Variants in MED26 observed in about 807,000 individuals in gnomAD.
The protein encoded by MED26 is mediator complex subunit 26, also known as mediator of RNA polymerase II transcription subunit 26.
In MED26, 7 loss-of-function variants were observed where a neutral mutation model predicts 43.7. That is an observed-to-expected ratio of 0.16 (90% confidence interval 0.09 to 0.30). The LOEUF is 0.30. Among genes scored for constraint, MED26 ranks in the 10% least tolerant of loss-of-function variants. The pLI is 1.00. For missense variants in MED26, 784 were observed against 840.6 expected (o/e 0.93, Z 0.83); for synonymous variants, 375 against 371.1 (o/e 1.01, Z -0.12).
At chr19:16,614,453 G>T (rs926144823) in intron 1 of MED26, among the ~76,000 whole-genome samples, 1 of 152,036 alleles carries the variant, frequency 6.6e-6, no homozygotes, top group Admixed American at 6.6e-5. Context: ...CACTTGAGCC[G>T]GGGACGTAGA....
chr19:16,607,610 G>A (rs1204823986), intron 1 of MED26, among the ~76,000 whole-genome samples: 1 of 152,206 alleles, frequency 6.6e-6, no homozygotes, highest in African/African-American at 2.4e-5. Flanking sequence ...CCGGAGCCCT[G>A]AGAGAACCCG....
Position 16,627,882 on chromosome 19 carries a change from G to T in MED26, c.62C>A (p.Pro21His). 2 of 1,498,568 alleles carry T rather than the reference G, an allele frequency of 1.3e-6. No homozygotes were observed. The highest frequency in any genetic ancestry group is 1.4e-5 in the African/African-American group (1 of 69,364). 92.8% of individuals were successfully genotyped at this position (1,498,568 alleles called of 1,614,324 possible). A position where few individuals can be genotyped will look rare whatever the true frequency, so the allele number is the denominator to read the frequency against. The change falls in exon 1 of 3, where the codon CCC becomes CAC. Residue 21 changes from proline to histidine, a missense_variant. By Grantham distance (77) the Pro-to-His change is moderately conservative. Around this residue, in one of 3 missense-constraint regions of MED26, gnomAD observed 37 missense variants for 30.3 expected, o/e 1.22. Coordinates refer to ENST00000263390, the MANE Select transcript of MED26 (RefSeq NM_004831.5). ...GCGGCGGGTACTTACGTTGCTCTGG[G>T]GGTCGATGGCCTGCAGCAGCCGGTC... ...IRDRLLQAID[P>H]QSNIRNMVAV...
rs571199312 is a variant in MED26 at position 16,612,663 on chromosome 19, C to G, written c.72+15209G>C. On this transcript the variant is annotated intron_variant, in intron 1 of 2. Coordinates refer to ENST00000263390, the MANE Select transcript of MED26 (RefSeq NM_004831.5). ...CTTCTGAAAGGCAGCTTCATGTGCA[C>G]AAAGTTGTATTTTGATCATCCCCAC... 6.6e-5 allele frequency among the ~76,000 whole-genome samples: 10 copies of G among 152,294 alleles called. 1 individual carries two copies. In the South Asian group the frequency reaches 1.9e-3, roughly 28 times the overall value.
At chr19:16,619,265 G>A (rs73516959) in intron 1 of MED26, among the ~76,000 whole-genome samples, 196 of 152,352 alleles carry the variant, frequency 1.3e-3, no homozygotes, top group African/African-American at 4.6e-3. Flanking sequence ...CTTGCTGACT[G>A]CTTGCCTAGG....
intron 1 of MED26, among the ~76,000 whole-genome samples, chr19:16,594,807 A>G (rs1272936661): frequency 1.3e-5 from 2 of 152,184 alleles, no homozygotes; most frequent in African/African-American, 4.8e-5. Context: ...CAACAGTGCA[A>G]TTAAGGGCAG....
At chr19:16,590,545 G>C (rs2086091027) in intron 1 of MED26, among the ~76,000 whole-genome samples, 1 of 152,128 alleles carries the variant, frequency 6.6e-6, no homozygotes, top group African/African-American at 2.4e-5. Context: ...ATGATTATAA[G>C]GCTTTTCATT....
At chr19:16,589,855 G>A (rs1411790793) in intron 1 of MED26, among the ~76,000 whole-genome samples, 2 of 152,256 alleles carry the variant, frequency 1.3e-5, no homozygotes, top group Non-Finnish European at 1.5e-5. Flanking sequence ...TGGTGAAGCT[G>A]TCAGGGTTGT....
At position 16,577,734 on chromosome 19, in the gene MED26, G is replaced by A. The variant is rs542660347; in HGVS notation, c.148-52C>T. On this transcript the variant is annotated intron_variant, in intron 2 of 2. Transcript: ENST00000263390. The surrounding 1 kb of genome is among the most constrained non-coding windows in gnomAD (Gnocchi z 8.1). The stretch of plus-strand genomic sequence containing the variant: ...ACTTTCGGGACAGGAACTTCTCCAT[G>A]AGCTGAGCCAGAAATGGTGGGAAGT... 3 of 1,438,406 alleles carry A rather than the reference G, an allele frequency of 2.1e-6. No individual in the cohort carries two copies. The East Asian group carries it at 7.0e-5, about 33-fold the overall frequency. 89.1% of individuals were successfully genotyped at this position (1,438,406 alleles called of 1,614,324 possible). A position where few individuals can be genotyped will look rare whatever the true frequency, so the allele number is the denominator to read the frequency against.
intron 1 of MED26, among the ~76,000 whole-genome samples, chr19:16,618,812 A>T (rs1465493497): frequency 1.3e-5 from 2 of 152,188 alleles, no homozygotes; most frequent in Non-Finnish European, 2.9e-5. Flanking sequence ...ATTCAATCAA[A>T]CTGCTAATCC....
At chr19:16,603,648 A>C (rs1003396628) in intron 1 of MED26, among the ~76,000 whole-genome samples, 6 of 151,992 alleles carry the variant, frequency 3.9e-5, no homozygotes, top group Non-Finnish European at 7.4e-5. Context: ...AACACTGCCT[A>C]TCTCGGTATG....
At chr19:16,600,816 C>T (rs1157803937) in intron 1 of MED26, among the ~76,000 whole-genome samples, 4 of 152,108 alleles carry the variant, frequency 2.6e-5, no homozygotes, top group Non-Finnish European at 4.4e-5. Context: ...AATTCTTGGC[C>T]GGGAGCAGTG....
rs2086027323 is a variant in MED26 at position 16,578,706 on chromosome 19, A to C, written c.73-297T>G. 4 of 387,036 alleles carry C rather than the reference A, an allele frequency of 1.0e-5. No individual in the cohort carries two copies. In the South Asian group the frequency reaches 1.4e-4, roughly 14 times the overall value. The allele number at this position is 387,036 out of a possible 1,614,324, so 24.0% of individuals were successfully genotyped here. On this transcript the variant is annotated intron_variant, in intron 1 of 2. Coordinates refer to ENST00000263390, the MANE Select transcript of MED26 (RefSeq NM_004831.5). ...TGAAACCCAGGATGCCTGTGGAACAAGAGCTGCTCCTGATACTTAAGATGA... is the reference window on the plus strand; with the variant it reads ...TGAAACCCAGGATGCCTGTGGAACACGAGCTGCTCCTGATACTTAAGATGA...
intron 1 of MED26, among the ~76,000 whole-genome samples, chr19:16,618,841 G>C (rs1182667697): frequency 6.6e-6 from 1 of 152,220 alleles, no homozygotes; most frequent in African/African-American, 2.4e-5. Flanking sequence ...CTCAGAGAAG[G>C]CATAAGGAAA....
intron 1 of MED26, among the ~76,000 whole-genome samples, chr19:16,593,131 CG>C (rs2086105497): frequency 6.6e-6 from 1 of 152,230 alleles, no homozygotes; most frequent in Non-Finnish European, 1.5e-5. Flanking sequence ...AATCCTCCTA[CG>C]GCCCTCAGTG....
At position 16,576,791 on chromosome 19, in the gene MED26, T is replaced by A; in HGVS notation, c.1039A>T (p.Ser347Cys). 1 of 1,608,148 alleles carries A rather than the reference T, an allele frequency of 6.2e-7. No individual in the cohort carries two copies. Among genetic ancestry groups the A allele is most frequent in the Non-Finnish European group, 8.5e-7 (1 of 1,178,820 alleles). ...SPVCWLEQPESHQRLAGPGCK... is the reference protein window; with the variant it reads ...SPVCWLEQPECHQRLAGPGCK... ...CCCGGCCCCGCCAGCCGCTGGTGGC[T>A]CTCAGGCTGCTCAAGCCAGCACACT... Residue 347 changes from serine (S) to cysteine (C), a missense_variant, in exon 3 of 3, where the codon AGC becomes TGC. Ser to Cys is a moderately radical substitution (Grantham distance 112, BLOSUM62 -1). Transcript: ENST00000263390. This position sits in a 1 kb window ranked among gnomAD's most constrained non-coding sequence, Gnocchi z 6.8.
intron 1 of MED26, among the ~76,000 whole-genome samples, chr19:16,625,087 A>G (rs1403267229): frequency 6.6e-6 from 1 of 152,144 alleles, no homozygotes; most frequent in East Asian, 1.9e-4. Flanking sequence ...TCATGCACAC[A>G]CTGCGCTTCG....
At chr19:16,618,018 G>T (rs547559962) in intron 1 of MED26, among the ~76,000 whole-genome samples, 2 of 152,014 alleles carry the variant, frequency 1.3e-5, no homozygotes, top group African/African-American at 4.8e-5. Context: ...GGCTGCAAAA[G>T]AAAGATCACT....
chr19:16,615,053 A>C (rs1461647505), intron 1 of MED26, among the ~76,000 whole-genome samples: 1 of 151,760 alleles, frequency 6.6e-6, no homozygotes. Flanking sequence ...CAGCAAGAAA[A>C]CAACCAACCA....
rs746204121 is a variant in MED26, at chr19:16,576,972, C to A, written c.858G>T (p.Arg286=). The A allele has an allele frequency of 8.7e-6, 14 of 1,600,416 alleles. No individual in the cohort carries two copies. The highest frequency in any genetic ancestry group is 3.3e-4 in the Middle Eastern group (2 of 6,032). ...CCTTGGGTGCATACAAGCTCTGCTG[C>A]CGGGCAAAGGAGCCCTCATGCCGTG... ...RNSRHEGSFA[R]QQSLYAPKGS... is the part of the protein sequence containing the mutation. Residue 286 remains arginine, a synonymous_variant, in exon 3 of 3, where the codon CGG becomes CGT. Transcript: ENST00000263390. The surrounding 1 kb of genome is among the most constrained non-coding windows in gnomAD (Gnocchi z 6.8).
Sources: gnomAD v4.1 joint callset for allele counts (sites outside exome capture counted in the v4.1 genomes callset) on GRCh38, gnomAD v4.1.1 for gene constraint, gnomAD v4.1.1 regional missense constraint, Gnocchi (gnomAD v3.1) non-coding constraint, MANE v1.5 for transcripts, NCBI Gene and HGNC (gene_info 2026-07-23, HGNC 2026-07-21) for gene names.